The following SLC9A8 variants were observed in gnomAD, a reference collection of about 807,000 sequenced individuals.
The protein encoded by SLC9A8 is solute carrier family 9 member A8, also known as sodium/hydrogen exchanger 8.
Under a neutral mutation model 66.6 loss-of-function variants are expected in SLC9A8, and 48 were observed. That is an observed-to-expected ratio of 0.72 (90% confidence interval 0.57 to 0.92). The LOEUF (loss-of-function observed/expected upper bound fraction) is 0.92, where lower values mean the gene tolerates loss of function less well. Among genes scored for constraint, SLC9A8 ranks in the 40% least tolerant of loss-of-function variants. The pLI is 0.00. For missense variants in SLC9A8, 599 were observed against 747.3 expected (o/e 0.80, Z 2.31); for synonymous variants, 274 against 282.6 (o/e 0.97, Z 0.31).
intron 10 of SLC9A8, among the ~76,000 whole-genome samples, chr20:49,865,491 T>C (rs891364028): frequency 6.6e-6 from 1 of 151,994 alleles, no homozygotes; most frequent in Non-Finnish European, 1.5e-5. Flanking sequence ...GCACAAGCAG[T>C]GGTGGTAGTG....
rs889833474 is a variant in SLC9A8 at position 49,886,142 on chromosome 20, A to G, written c.1492-610A>G. On this transcript the variant is annotated intron_variant, in intron 14 of 15. Transcript: ENST00000361573. The surrounding 1 kb of genome is among the most constrained non-coding windows in gnomAD (Gnocchi z 4.8). ...ACCACCTGCAGTGAAGCTGCAGAGCACACTTCACTGTGGCCCCACTGAGAC... is the reference window on the plus strand; with the variant it reads ...ACCACCTGCAGTGAAGCTGCAGAGCGCACTTCACTGTGGCCCCACTGAGAC... Among the ~76,000 whole-genome samples, 1 of 143,386 alleles carries G rather than the reference A, an allele frequency of 7.0e-6. No homozygotes were observed. The highest frequency in any genetic ancestry group is 2.6e-5 in the African/African-American group (1 of 37,850). 94.1% of individuals were successfully genotyped at this position (143,386 alleles called of 152,430 possible). A position where few individuals can be genotyped will look rare whatever the true frequency, so the allele number is the denominator to read the frequency against.
intron 4 of SLC9A8, among the ~76,000 whole-genome samples, chr20:49,844,321 T>G (rs1178087428): frequency 6.6e-6 from 1 of 152,198 alleles, no homozygotes; most frequent in South Asian, 2.1e-4. Flanking sequence ...TGGATTGTTT[T>G]AGGGCTTGCC....
chr20:49,825,643 AAAAC>A (rs568613848), intron 3 of SLC9A8, among the ~76,000 whole-genome samples: 18 of 152,244 alleles, frequency 1.2e-4, no homozygotes, highest in Admixed American at 5.9e-4. Context: ...ACTCTGTCTC[AAAAC>A]AAACAAACAA....
At chr20:49,821,520 C>T (rs1231895884) in intron 2 of SLC9A8, among the ~76,000 whole-genome samples, 1 of 152,118 alleles carries the variant, frequency 6.6e-6, no homozygotes, top group Non-Finnish European at 1.5e-5. Context: ...ACTCTGGCCA[C>T]CTGGTGTTTT....
At chr20:49,820,573 A>T (rs1350528999) in intron 2 of SLC9A8, among the ~76,000 whole-genome samples, 3 of 151,750 alleles carry the variant, frequency 2.0e-5, no homozygotes, top group Non-Finnish European at 4.4e-5. Flanking sequence ...TTGAGATGGA[A>T]TCTTGCTCTG....
intron 11 of SLC9A8, among the ~76,000 whole-genome samples, chr20:49,876,785 C>G (rs1427563303): frequency 2.6e-5 from 4 of 151,964 alleles, no homozygotes; most frequent in Non-Finnish European, 5.9e-5. Flanking sequence ...GTTGATGCTG[C>G]CAGGGAAAAG....
intron 10 of SLC9A8, among the ~76,000 whole-genome samples, chr20:49,872,643 G>A (rs368783228): frequency 4.6e-5 from 7 of 152,058 alleles, no homozygotes; most frequent in African/African-American, 1.5e-4. Flanking sequence ...GTGCCACCAT[G>A]CCCAGCTAAT....
rs2087134511 is a variant in SLC9A8, at chr20:49,830,590, CAG to C, written c.289+7450_289+7451del. ...GGTCGCTTTCCAGAAGCTCCCATCTCAGGGAATCAGCAGCTTTCTAATCACAG... is the reference window on the plus strand; with the variant it reads ...GGTCGCTTTCCAGAAGCTCCCATCTCGGAATCAGCAGCTTTCTAATCACAG... On this transcript the variant is annotated intron_variant, in intron 3 of 15. Transcript: ENST00000361573. The C allele has an allele frequency of 4.9e-6, 3 of 609,118 alleles. No individual in the cohort carries two copies. In the Admixed American group the frequency reaches 8.7e-5, roughly 18 times the overall value. 37.7% of individuals were successfully genotyped at this position (609,118 alleles called of 1,614,324 possible).
rs890883964 is a variant in SLC9A8 at position 49,814,881 on chromosome 20, G to T, written c.27-127G>T. The T allele has an allele frequency of 2.8e-5, 18 of 652,984 alleles. No individual in the cohort carries two copies. In the Admixed American group the frequency reaches 2.8e-4, roughly 10 times the overall value. The allele number at this position is 652,984 out of a possible 1,614,324, so 40.4% of individuals were successfully genotyped here. A position where few individuals can be genotyped will look rare whatever the true frequency, so the allele number is the denominator to read the frequency against. ...TTTTCTTAGTAAGTTTCTCTCGAAGGCCTGCCTGTTAAAGACTTCTGAATC... is the reference window on the plus strand; with the variant it reads ...TTTTCTTAGTAAGTTTCTCTCGAAGTCCTGCCTGTTAAAGACTTCTGAATC... On this transcript the variant is annotated intron_variant, in intron 1 of 15. Coordinates refer to ENST00000361573, the MANE Select transcript of SLC9A8 (RefSeq NM_015266.3).
chr20:49,856,820 C>CA (rs143064218), intron 8 of SLC9A8, among the ~76,000 whole-genome samples: 4,771 of 98,968 alleles, frequency 0.048, 200 homozygotes, highest in African/African-American at 0.11. Flanking sequence ...GACTCCGTCT[C>CA]AAAAAAAAAA....
chr20:49,827,976 A>G (rs2086982059), intron 3 of SLC9A8, among the ~76,000 whole-genome samples: 1 of 151,736 alleles, frequency 6.6e-6, no homozygotes, highest in Non-Finnish European at 1.5e-5. Flanking sequence ...TTTGTTTTTT[A>G]AGGATAGTAC....
At chr20:49,852,035 G>A (rs919878438) in intron 7 of SLC9A8, among the ~76,000 whole-genome samples, 1 of 152,198 alleles carries the variant, frequency 6.6e-6, no homozygotes, top group Non-Finnish European at 1.5e-5. Flanking sequence ...GAGCCGGGTA[G>A]TGTTTTCCTC....
intron 8 of SLC9A8, among the ~76,000 whole-genome samples, chr20:49,862,284 CAG>C (rs1370577448): frequency 6.6e-6 from 1 of 151,834 alleles, no homozygotes; most frequent in Non-Finnish European, 1.5e-5. Flanking sequence ...TTTTTTGAGA[CAG>C]AGTCTTGCTC....
chr20:49,868,178 T>C (rs1002506728), intron 10 of SLC9A8, among the ~76,000 whole-genome samples: 3 of 152,262 alleles, frequency 2.0e-5, no homozygotes, highest in Non-Finnish European at 4.4e-5. Flanking sequence ...ATGTGTTTCA[T>C]GCATCTGTTT....
At chr20:49,815,479 T>G in intron 2 of SLC9A8, 1 of 235,186 alleles carries the variant, frequency 4.3e-6, no homozygotes. Context: ...CCTGGCGCGG[T>G]GGCTCAAGCC....
chr20:49,875,547 T>A (rs1285641836), intron 11 of SLC9A8, among the ~76,000 whole-genome samples: 1 of 152,122 alleles, frequency 6.6e-6, no homozygotes, highest in Non-Finnish European at 1.5e-5. Context: ...CCACGATGGC[T>A]TTGTCTTTAA....
At chr20:49,832,520 T>C (rs2087247925) in intron 3 of SLC9A8, among the ~76,000 whole-genome samples, 1 of 152,152 alleles carries the variant, frequency 6.6e-6, no homozygotes, top group Admixed American at 6.5e-5. Flanking sequence ...TTTTCCAAAA[T>C]CATAATTTGC....
At chr20:49,835,517 A>T (rs1215193828) in intron 3 of SLC9A8, among the ~76,000 whole-genome samples, 1 of 151,316 alleles carries the variant, frequency 6.6e-6, no homozygotes, top group Non-Finnish European at 1.5e-5. Flanking sequence ...CCATTTCCAC[A>T]TTTCTCCCTT....
intron 3 of SLC9A8, 98 bp from the exon 4 acceptor site, chr20:49,839,443 C>T: frequency 1.4e-6 from 1 of 719,068 alleles, no homozygotes; most frequent in Non-Finnish European, 2.3e-6. Flanking sequence ...ACCTTGGGCA[C>T]ATGTCGTCAG....
Sources: gnomAD v4.1 joint callset for allele counts (sites outside exome capture counted in the v4.1 genomes callset) on GRCh38, gnomAD v4.1.1 for gene constraint, Gnocchi (gnomAD v3.1) non-coding constraint, MANE v1.5 for transcripts, NCBI Gene and HGNC (gene_info 2026-07-23, HGNC 2026-07-21) for gene names.